The following GAD2 variants were observed in gnomAD, a reference collection of about 807,000 sequenced individuals.
The protein encoded by GAD2 is 65 kDa glutamic acid decarboxylase.
In GAD2, 22 loss-of-function variants were observed where a neutral mutation model predicts 80.1. The observed-to-expected ratio is 0.27, with a 90% CI of 0.20 to 0.39. GAD2 has a LOEUF of 0.39. Among genes scored for constraint, GAD2 ranks in the 10% least tolerant of loss-of-function variants. The pLI is 1.00. For synonymous variants in GAD2, 274 were observed against 256.9 expected (o/e 1.07, Z -0.64); for missense variants, 624 against 738.4 (o/e 0.85, Z 1.80).
chr10:26,275,110 G>C (rs559574404), intron 11 of GAD2, among the ~76,000 whole-genome samples: 3 of 152,218 alleles, frequency 2.0e-5, no homozygotes, highest in South Asian at 2.1e-4. Context: ...GAAGCTTAAG[G>C]AAGAGGCAAT....
intron 4 of GAD2, 85 bp from the exon 5 acceptor site, chr10:26,223,802 G>A (rs1844484493): frequency 4.8e-6 from 4 of 835,206 alleles, no homozygotes; most frequent in African/African-American, 1.7e-5. Flanking sequence ...ATCTTTCAAG[G>A]TCCTTTAGCT....
At position 26,224,528 on chromosome 10, in the gene GAD2, C is replaced by A; in HGVS notation, c.612-11C>A. On this transcript the variant is annotated splice_polypyrimidine_tract_variant and intron_variant, in intron 5 of 15. Transcript: ENST00000376261. Reference sequence around the variant, plus strand: ...TTACAGAGGTAAAATGTGGCCATTACTACATTTCAGGTTCACCTATGAAAT... The same window carrying A: ...TTACAGAGGTAAAATGTGGCCATTAATACATTTCAGGTTCACCTATGAAAT... 2.6e-6 allele frequency: 4 copies of A among 1,541,126 alleles called. No individual in the cohort carries two copies. The highest frequency in any genetic ancestry group is 3.6e-6 in the Non-Finnish European group (4 of 1,113,418).
At chr10:26,272,999 A>G (rs1424682790) in intron 10 of GAD2, among the ~76,000 whole-genome samples, 12 of 152,260 alleles carry the variant, frequency 7.9e-5, no homozygotes, top group Non-Finnish European at 4.4e-5. Context: ...AAGAAAGTTA[A>G]TATTTCCAAA....
intron 7 of GAD2, among the ~76,000 whole-genome samples, chr10:26,243,480 A>T (rs1176296892): frequency 6.6e-6 from 1 of 152,176 alleles, no homozygotes; most frequent in African/African-American, 2.4e-5. Flanking sequence ...CAGCTTAATG[A>T]TGTGTAGTTA....
chr10:26,281,119 G>A (rs781676717), intron 12 of GAD2, 32 bp downstream of exon 12: 37 of 1,497,064 alleles, frequency 2.5e-5, no homozygotes, highest in African/African-American at 1.8e-4. Context: ...GTCCCAGTCC[G>A]TGCGTGGGCT....
At chr10:26,299,570 A>G (rs1004331592) in intron 15 of GAD2, among the ~76,000 whole-genome samples, 2 of 152,218 alleles carry the variant, frequency 1.3e-5, no homozygotes, top group Non-Finnish European at 2.9e-5. Flanking sequence ...CTTTATAGCA[A>G]TAAGAACTTA....
At chr10:26,248,021 A>G (rs1162906900) in intron 8 of GAD2, among the ~76,000 whole-genome samples, 1 of 152,038 alleles carries the variant, frequency 6.6e-6, no homozygotes, top group Non-Finnish European at 1.5e-5. Context: ...ACATCCACAC[A>G]CAGGTTTGCA....
intron 7 of GAD2, among the ~76,000 whole-genome samples, chr10:26,232,958 CTATCATTTGGGT>C (rs1345843983): frequency 1.3e-5 from 2 of 152,202 alleles, no homozygotes; most frequent in Non-Finnish European, 1.5e-5. Flanking sequence ...TAACTTTGGC[CTATCATTTGGGT>C]TATCATTGCC....
At position 26,303,451 on chromosome 10, in the gene GAD2, G is replaced by T. The variant is rs1383636528; in HGVS notation, c.*2490G>T. On this transcript the variant is annotated 3_prime_UTR_variant, in exon 16 of 16. Coordinates refer to ENST00000376261, the MANE Select transcript of GAD2 (RefSeq NM_001134366.2). ...AGAAGAGAGTAAGGGAGGAAGGGAG[G>T]GAGGGAGGGAGGGAGGGAAGGAGGG... is the stretch of plus-strand genomic sequence containing the variant. The T allele has an allele frequency of 8.1e-6, 1 of 123,842 alleles. No individual in the cohort carries two copies. The highest frequency in any genetic ancestry group is 4.3e-5 in the African/African-American group (1 of 23,442). The allele number at this position is 123,842 out of a possible 1,614,324, so 7.7% of individuals were successfully genotyped here.
intron 7 of GAD2, among the ~76,000 whole-genome samples, chr10:26,233,553 C>T (rs550659590): frequency 1.6e-4 from 25 of 152,332 alleles, no homozygotes; most frequent in Non-Finnish European, 3.4e-4. Flanking sequence ...CGATCCCCAT[C>T]GCTAGTTCCT....
chr10:26,269,109 T>C lies in GAD2; in HGVS notation c.921-10T>C, dbSNP rs374343207. 15 of 1,585,960 alleles carry C rather than the reference T, an allele frequency of 9.5e-6. No individual in the cohort carries two copies. The highest frequency in any genetic ancestry group is 1.3e-5 in the Non-Finnish European group (15 of 1,165,200). ...ATTCAAAGCAAATCTATATTTCTTT[T>C]TCCTTCCAGAGGGAAAATGATTCCA... is the stretch of plus-strand genomic sequence containing the variant. On this transcript the variant is annotated splice_polypyrimidine_tract_variant and intron_variant, in intron 8 of 15. Coordinates refer to ENST00000376261, the MANE Select transcript of GAD2 (RefSeq NM_001134366.2).
At chr10:26,293,055 A>G in intron 15 of GAD2, 64 bp downstream of exon 15, 1 of 1,309,748 alleles carries the variant, frequency 7.6e-7, no homozygotes, top group South Asian at 1.2e-5. Flanking sequence ...CATCTTCTTT[A>G]TGACATATGC....
intron 3 of GAD2, chr10:26,218,251 G>A (rs1032912074): frequency 1.5e-4 from 60 of 389,330 alleles, no homozygotes; most frequent in Non-Finnish European, 1.9e-4. Context: ...GGGATGGCGG[G>A]TGGCCGACGA....
intron 6 of GAD2, 151 bp from the exon 7 acceptor site, chr10:26,229,511 C>G (rs1455235418): frequency 3.3e-6 from 2 of 610,642 alleles, no homozygotes; most frequent in African/African-American, 3.7e-5. Flanking sequence ...GGGGTAGCGC[C>G]TTTGAGTCTG....
At chr10:26,299,964 A>G (rs908339281) in intron 15 of GAD2, among the ~76,000 whole-genome samples, 1 of 152,214 alleles carries the variant, frequency 6.6e-6, no homozygotes, top group South Asian at 2.1e-4. Context: ...ATAAAAATAC[A>G]TATGGTAAAT....
intron 7 of GAD2, among the ~76,000 whole-genome samples, chr10:26,243,802 C>T (rs1028869719): frequency 5.3e-5 from 8 of 152,244 alleles, no homozygotes; most frequent in African/African-American, 1.9e-4. Flanking sequence ...CACTTGTCCT[C>T]TTACCTGAGT....
At chr10:26,246,193 C>G (rs934942836) in intron 8 of GAD2, among the ~76,000 whole-genome samples, 193 bp downstream of exon 8, 2 of 152,180 alleles carry the variant, frequency 1.3e-5, no homozygotes, top group African/African-American at 4.8e-5. Flanking sequence ...TGCCATGGAG[C>G]CTTCCACAGC....
intron 7 of GAD2, among the ~76,000 whole-genome samples, chr10:26,235,597 C>T (rs556287810): frequency 6.6e-6 from 1 of 152,334 alleles, no homozygotes; most frequent in African/African-American, 2.4e-5. Flanking sequence ...TTACTTTTCT[C>T]TAAAATAGAG....
At chr10:26,281,193 T>C (rs1455729858) in intron 12 of GAD2, 106 bp downstream of exon 12, 1 of 754,110 alleles carries the variant, frequency 1.3e-6, no homozygotes, top group Non-Finnish European at 2.2e-6. Context: ...TTCTCTATGG[T>C]CCTACTCACA....
Sources: gnomAD v4.1 joint callset for allele counts (sites outside exome capture counted in the v4.1 genomes callset) on GRCh38, gnomAD v4.1.1 for gene constraint, MANE v1.5 for transcripts, NCBI Gene and HGNC (gene_info 2026-07-23, HGNC 2026-07-21) for gene names.